STXBP5L: variants seen among roughly 807,000 people sequenced by gnomAD.
STXBP5L encodes the protein syntaxin binding protein 5L.
Under a neutral mutation model 144.5 loss-of-function variants are expected in STXBP5L, and 65 were observed. The observed-to-expected ratio is 0.45, with a 90% CI of 0.37 to 0.55. STXBP5L has a LOEUF of 0.55. Among genes scored for constraint, STXBP5L ranks in the 20% least tolerant of loss-of-function variants. The probability of loss-of-function intolerance (pLI) is 0.00; values close to 1 mark genes in which losing one functional copy is unlikely to be tolerated. For synonymous variants in STXBP5L, 505 were observed against 469.6 expected (o/e 1.08, Z -0.97); for missense variants, 1,298 against 1,405.5 (o/e 0.92, Z 1.22).
chr3:121,094,608 T>A (rs1386598327), intron 5 of STXBP5L, among the ~76,000 whole-genome samples: 1 of 152,124 alleles, frequency 6.6e-6, no homozygotes, highest in Non-Finnish European at 1.5e-5. Flanking sequence ...TGCCTTTTTT[T>A]GTTTTCCATT....
intron 22 of STXBP5L, among the ~76,000 whole-genome samples, chr3:121,405,062 A>C (rs1363724782): frequency 3.9e-5 from 6 of 151,902 alleles, no homozygotes; most frequent in Non-Finnish European, 7.4e-5. Flanking sequence ...AGAGAGAGAG[A>C]GCATGTACTC....
chr3:120,985,345 T>C (rs1384250955), intron 3 of STXBP5L, among the ~76,000 whole-genome samples: 1 of 152,116 alleles, frequency 6.6e-6, no homozygotes, highest in South Asian at 2.1e-4. Flanking sequence ...TATGATATTT[T>C]GATGTATGTA....
chr3:120,936,484 G>A (rs1223863385), intron 2 of STXBP5L, among the ~76,000 whole-genome samples: 2 of 152,166 alleles, frequency 1.3e-5, no homozygotes, highest in African/African-American at 4.8e-5. Context: ...GGGTCAAGCT[G>A]TGATTGTTCT....
At position 121,060,110 on chromosome 3, in the gene STXBP5L, G is replaced by T. The variant is rs569668691; in HGVS notation, c.470+14575G>T. 5.3e-5 allele frequency among the ~76,000 whole-genome samples: 8 copies of T among 152,216 alleles called. No homozygotes were observed. In the East Asian group the frequency reaches 1.5e-3, roughly 29 times the overall value. ...TCAGTATGATATTGGCTGTGGGTTT[G>T]TCATAAATAGCTCTTATTATTTTGA... On this transcript the variant is annotated intron_variant, in intron 5 of 26. Transcript: ENST00000471454.
chr3:121,216,907 T>G (rs2048797376), intron 10 of STXBP5L, among the ~76,000 whole-genome samples: 1 of 151,558 alleles, frequency 6.6e-6, no homozygotes, highest in Non-Finnish European at 1.5e-5. Flanking sequence ...AGGGAAGCCC[T>G]CTGGCTACAG....
rs563366608 is a variant in STXBP5L, at chr3:121,352,999, T to C, written c.2177-25717T>C. 1.5e-4 allele frequency among the ~76,000 whole-genome samples: 23 copies of C among 152,342 alleles called. No individual in the cohort carries two copies. The South Asian group carries it at 3.7e-3, about 25-fold the overall frequency. ...TGGATTATGTTTATTTATTTGCGTA[T>C]GTTGAACCAGCATTGCATCCCAGGG... On this transcript the variant is annotated intron_variant, in intron 20 of 26. Coordinates refer to ENST00000471454, the MANE Select transcript of STXBP5L (RefSeq NM_001308330.2).
At chr3:121,060,736 C>T (rs1266859623) in intron 5 of STXBP5L, among the ~76,000 whole-genome samples, 4 of 152,170 alleles carry the variant, frequency 2.6e-5, no homozygotes, top group African/African-American at 9.6e-5. Flanking sequence ...TCCATTTCTT[C>T]CAGATTTTCT....
chr3:121,240,868 T>G (rs2049642954), intron 14 of STXBP5L, among the ~76,000 whole-genome samples: 1 of 152,194 alleles, frequency 6.6e-6, no homozygotes, highest in African/African-American at 2.4e-5. Flanking sequence ...GAGATGGTTA[T>G]TTTAAATATT....
intron 24 of STXBP5L, among the ~76,000 whole-genome samples, chr3:121,414,655 C>CG (rs916171048): frequency 1.3e-5 from 2 of 152,216 alleles, no homozygotes; most frequent in Non-Finnish European, 2.9e-5. Flanking sequence ...ATGCAAAAGC[C>CG]TCACGGCTAA....
chr3:121,203,538 C>T (rs1282982276), intron 9 of STXBP5L, among the ~76,000 whole-genome samples: 5 of 151,936 alleles, frequency 3.3e-5, no homozygotes, highest in African/African-American at 7.3e-5. Context: ...ATATAATTGT[C>T]GATAATGTTG....
At chr3:121,371,006 G>C (rs150497551) in intron 20 of STXBP5L, among the ~76,000 whole-genome samples, 1 of 152,028 alleles carries the variant, frequency 6.6e-6, no homozygotes, top group Non-Finnish European at 1.5e-5. Flanking sequence ...TTCTATTTCT[G>C]TCATTTCAGC....
intron 20 of STXBP5L, among the ~76,000 whole-genome samples, chr3:121,337,476 A>T (rs1212589548): frequency 1.3e-5 from 2 of 151,738 alleles, no homozygotes; most frequent in Admixed American, 6.6e-5. Context: ...ATATAAAGAT[A>T]AAAGAATCAA....
At chr3:121,414,126 T>C in intron 24 of STXBP5L, among the ~76,000 whole-genome samples, 1 of 143,528 alleles carries the variant, frequency 7.0e-6, no homozygotes, top group Non-Finnish European at 1.5e-5. Context: ...ATTACTATCA[T>C]CACCATTGTC....
chr3:120,960,016 G>A (rs1391497704), intron 3 of STXBP5L, among the ~76,000 whole-genome samples: 2 of 151,936 alleles, frequency 1.3e-5, no homozygotes, highest in Non-Finnish European at 2.9e-5. Flanking sequence ...TCTGACAAAG[G>A]GCTAATATCC....
chr3:121,030,302 G>A (rs1231954678), intron 3 of STXBP5L, among the ~76,000 whole-genome samples: 1 of 152,086 alleles, frequency 6.6e-6, no homozygotes, highest in African/African-American at 2.4e-5. Flanking sequence ...TGATAGGAGT[G>A]GATAAAGAAG....
chr3:121,094,261 G>T (rs1359118203), intron 5 of STXBP5L, among the ~76,000 whole-genome samples: 1 of 152,136 alleles, frequency 6.6e-6, no homozygotes, highest in Non-Finnish European at 1.5e-5. Context: ...GATTTGGGGT[G>T]GAGAGTTCTG....
intron 3 of STXBP5L, among the ~76,000 whole-genome samples, chr3:120,972,989 GT>G (rs1426407492): frequency 6.6e-6 from 1 of 151,940 alleles, no homozygotes; most frequent in Non-Finnish European, 1.5e-5. Context: ...TTGTTGAGGA[GT>G]TTTTGCAACT....
chr3:121,190,331 C>T (rs2047591551), intron 9 of STXBP5L, among the ~76,000 whole-genome samples: 1 of 152,140 alleles, frequency 6.6e-6, no homozygotes, highest in Admixed American at 6.5e-5. Flanking sequence ...CCATTTAACC[C>T]TTAGTGGACA....
At chr3:121,302,048 A>G (rs1042325051) in intron 19 of STXBP5L, among the ~76,000 whole-genome samples, 11 of 152,312 alleles carry the variant, frequency 7.2e-5, no homozygotes, top group African/African-American at 2.6e-4. Context: ...TATCAGGATG[A>G]TGCTGGCCGC....
Sources: gnomAD v4.1 joint callset for allele counts (sites outside exome capture counted in the v4.1 genomes callset) on GRCh38, gnomAD v4.1.1 for gene constraint, MANE v1.5 for transcripts, NCBI Gene and HGNC (gene_info 2026-07-23, HGNC 2026-07-21) for gene names.